ANKRD44: variants seen among roughly 807,000 people sequenced by gnomAD.
ANKRD44 encodes serine/threonine-protein phosphatase 6 regulatory ankyrin repeat subunit B.
ANKRD44 carries 35 observed loss-of-function variants against 116.0 expected under a neutral mutation model. The observed-to-expected ratio is 0.30, with a 90% CI of 0.23 to 0.40. ANKRD44 has a LOEUF of 0.40. Ranked by LOEUF, ANKRD44 falls within the 10% of genes least tolerant of loss-of-function variation. The probability of loss-of-function intolerance (pLI) is 1.00; values close to 1 mark genes in which losing one functional copy is unlikely to be tolerated. For synonymous variants in ANKRD44, 435 were observed against 461.8 expected (o/e 0.94, Z 0.74); for missense variants, 1,014 against 1,242.6 (o/e 0.82, Z 2.77).
intron 21 of ANKRD44, among the ~76,000 whole-genome samples, chr2:196,976,683 T>A (rs1041035646): frequency 6.6e-6 from 1 of 151,950 alleles, no homozygotes; most frequent in Non-Finnish European, 1.5e-5. Context: ...CTGCACAACA[T>A]GACAAAACCC....
intron 16 of ANKRD44, among the ~76,000 whole-genome samples, chr2:197,070,153 G>C (rs2077528270): frequency 6.6e-6 from 1 of 152,142 alleles, no homozygotes; most frequent in East Asian, 1.9e-4. Flanking sequence ...GATTACTGGG[G>C]ATTTTCTATG....
At chr2:197,092,766 C>T (rs905103249) in intron 10 of ANKRD44, among the ~76,000 whole-genome samples, 12 of 152,108 alleles carry the variant, frequency 7.9e-5, no homozygotes, top group Admixed American at 2.6e-4. Flanking sequence ...TGCTCTTGAA[C>T]GGGCAGAGGG....
chr2:197,238,328 T>TAA lies in ANKRD44; in HGVS notation c.28-51224_28-51223dup, dbSNP rs34671387. 9.3e-5 allele frequency among the ~76,000 whole-genome samples: 14 copies of TAA among 151,158 alleles called. No individual in the cohort carries two copies. The East Asian group carries it at 1.4e-3, about 15-fold the overall frequency. On this transcript the variant is annotated intron_variant, in intron 1 of 27. Coordinates refer to ENST00000282272, the MANE Select transcript of ANKRD44 (RefSeq NM_001195144.2). ...CATATCACATCCTGACACTCTACCG[T>TAA]AAAAAAAAATGGTCAGGTCAAATAA... is the stretch of plus-strand genomic sequence containing the variant.
intron 16 of ANKRD44, among the ~76,000 whole-genome samples, chr2:197,069,207 C>T (rs1053867457): frequency 1.2e-4 from 18 of 152,016 alleles, no homozygotes; most frequent in Admixed American, 3.3e-4. Flanking sequence ...GAGAAAAAAA[C>T]CAAACACTGC....
chr2:196,970,088 C>T (rs2075704975), intron 21 of ANKRD44, among the ~76,000 whole-genome samples: 1 of 152,168 alleles, frequency 6.6e-6, no homozygotes, highest in Non-Finnish European at 1.5e-5. Context: ...TTTCAGATAA[C>T]TTTCCATGAT....
At position 197,309,895 on chromosome 2, in the gene ANKRD44, C is replaced by G. The variant is rs561452454; in HGVS notation, c.27+683G>C. ...TCCAGAGCTGCCCTGTGTGGTGTCT[C>G]AGCAAGGAAAGCCAACAAAGCTGGT... On this transcript the variant is annotated intron_variant, in intron 1 of 27. Coordinates refer to ENST00000282272, the MANE Select transcript of ANKRD44 (RefSeq NM_001195144.2). Among the ~76,000 whole-genome samples the G allele has an allele frequency of 1.4e-3, 216 of 152,240 alleles. 1 individual carries two copies. The highest frequency in any genetic ancestry group is 6.8e-3 in the Middle Eastern group (2 of 294).
chr2:197,153,928 C>G (rs80104820), intron 2 of ANKRD44, among the ~76,000 whole-genome samples: 5,966 of 152,002 alleles, frequency 0.039, 147 homozygotes, highest in Middle Eastern at 0.075. Context: ...CTTCAAACCA[C>G]TATTAAAAAT....
At chr2:197,161,345 T>C (rs1399408822) in intron 2 of ANKRD44, among the ~76,000 whole-genome samples, 1 of 152,120 alleles carries the variant, frequency 6.6e-6, no homozygotes, top group Non-Finnish European at 1.5e-5. Flanking sequence ...TTAGCCTTCA[T>C]AAACTTGGGC....
intron 16 of ANKRD44, among the ~76,000 whole-genome samples, chr2:197,064,720 T>C (rs538411516): frequency 3.5e-4 from 54 of 152,156 alleles, no homozygotes; most frequent in Admixed American, 2.4e-3. Context: ...CATTACATAA[T>C]GGTAAAGGGA....
At chr2:197,170,522 G>A (rs184093281) in intron 2 of ANKRD44, among the ~76,000 whole-genome samples, 2 of 152,278 alleles carry the variant, frequency 1.3e-5, no homozygotes, top group Non-Finnish European at 2.9e-5. Context: ...ATTGTGCCTA[G>A]AGCAATATTA....
chr2:197,252,549 G>A (rs1056858583), intron 1 of ANKRD44, among the ~76,000 whole-genome samples: 5 of 152,120 alleles, frequency 3.3e-5, no homozygotes, highest in Admixed American at 3.3e-4. Flanking sequence ...TGGGACTACA[G>A]GCGCCCGCCA....
At chr2:196,967,548 T>A in intron 21 of ANKRD44, 1 of 406,152 alleles carries the variant, frequency 2.5e-6, no homozygotes, top group South Asian at 1.7e-5. Flanking sequence ...GTTAATTTTC[T>A]CAAAATGGGG....
In ANKRD44 at chr2:197,028,958, CT is replaced by C. The variant is rs570971634; in HGVS notation, c.1651-3692del. The C allele has an allele frequency of 9.2e-3, 1,302 of 141,646 alleles. 13 individuals carry two copies. Among genetic ancestry groups the C allele is most frequent in the African/African-American group, 0.023 (863 of 38,228 alleles). 8.8% of individuals were successfully genotyped at this position (141,646 alleles called of 1,614,324 possible). A position where few individuals can be genotyped will look rare whatever the true frequency, so the allele number is the denominator to read the frequency against. Reference sequence around the variant, plus strand: ...TCCCCCAGAGTTTGTGATTATTTTTCTTTTTTTTTTTAGGATATTTTTATTA... The same window carrying C: ...TCCCCCAGAGTTTGTGATTATTTTTCTTTTTTTTTTAGGATATTTTTATTA... On this transcript the variant is annotated intron_variant, in intron 16 of 27. Coordinates refer to ENST00000282272, the MANE Select transcript of ANKRD44 (RefSeq NM_001195144.2).
chr2:197,200,692 C>T (rs2081073854), intron 1 of ANKRD44, among the ~76,000 whole-genome samples: 1 of 152,134 alleles, frequency 6.6e-6, no homozygotes, highest in Admixed American at 6.6e-5. Context: ...CTTCAAACAA[C>T]AGTAGTCATT....
In ANKRD44 at chr2:197,009,040, GA is replaced by G; in HGVS notation, c.1925-10del. ...TGTGTGACCATTAATTACTGAAAAA[GA>G]AAACAGTGGACAGTCTTTTAACAGA... On this transcript the variant is annotated splice_polypyrimidine_tract_variant and intron_variant, in intron 18 of 27. Transcript: ENST00000282272. The G allele has an allele frequency of 6.2e-7, 1 of 1,609,506 alleles. No individual in the cohort carries two copies. The highest frequency in any genetic ancestry group is 8.5e-7 in the Non-Finnish European group (1 of 1,175,988).
intron 4 of ANKRD44, among the ~76,000 whole-genome samples, chr2:197,133,039 G>A (rs2079128594): frequency 6.6e-6 from 1 of 152,188 alleles, no homozygotes; most frequent in Non-Finnish European, 1.5e-5. Flanking sequence ...ATGAGTTTTG[G>A]AAGGCATAAG....
chr2:197,048,054 G>A (rs966840386), intron 16 of ANKRD44, among the ~76,000 whole-genome samples: 8 of 152,056 alleles, frequency 5.3e-5, no homozygotes. Flanking sequence ...TAGTTTTTGA[G>A]ACTCCTTTAA....
chr2:197,179,209 ATTTGT>A (rs1330569651), intron 2 of ANKRD44, among the ~76,000 whole-genome samples: 2 of 152,016 alleles, frequency 1.3e-5, no homozygotes, highest in East Asian at 3.8e-4. Flanking sequence ...TCGTTTTGTA[ATTTGT>A]TTTAATATAT....
chr2:197,256,493 G>A (rs2082450480), intron 1 of ANKRD44, among the ~76,000 whole-genome samples: 1 of 152,052 alleles, frequency 6.6e-6, no homozygotes, highest in African/African-American at 2.4e-5. Flanking sequence ...CTACATCAAA[G>A]TAACAAAACC....
Sources: allele counts gnomAD v4.1 joint callset (sites outside exome capture counted in the v4.1 genomes callset), GRCh38; gene constraint gnomAD v4.1.1; transcripts MANE v1.5; gene names NCBI Gene and HGNC (gene_info 2026-07-23, HGNC 2026-07-21).